Variants in TENM1 observed in about 807,000 individuals in gnomAD.
TENM1 encodes teneurin-1.
Under a neutral mutation model 174.8 loss-of-function variants are expected in TENM1, and 35 were observed. The observed-to-expected ratio is 0.20, with a 90% CI of 0.15 to 0.27. The LOEUF is 0.27. Ranked by LOEUF, TENM1 falls within the 10% of genes least tolerant of loss-of-function variation. TENM1 has a pLI of 1.00. For synonymous variants in TENM1, 781 were observed against 798.7 expected (o/e 0.98, Z 0.37); for missense variants, 1,633 against 2,130.1 (o/e 0.77, Z 4.59).
chrX:124,833,939 T>C, intron 3 of TENM1, among the ~76,000 whole-genome samples: 1 of 110,538 alleles, frequency 9.0e-6, no homozygotes, highest in Non-Finnish European at 1.9e-5. Flanking sequence ...CAGAGATAGA[T>C]AGTAAATGGT....
At chrX:124,813,068 T>A (rs1463738999) in intron 3 of TENM1, among the ~76,000 whole-genome samples, 1 of 111,200 alleles carries the variant, frequency 9.0e-6, no homozygotes, top group African/African-American at 3.3e-5. Context: ...AATAAATGAC[T>A]ACTACTTTAC....
rs202163502 is a variant in TENM1, at chrX:124,695,802, A to AT, written c.1015+9210dup. On this transcript the variant is annotated intron_variant, in intron 5 of 31. Transcript: ENST00000422452. ...AACCTCTTATTTTTAAAATTGAGGG[A>AT]TTTTTTTTTTCCTTCCAGTTAATGG... Among the ~76,000 whole-genome samples the AT allele has an allele frequency of 5.2e-4, 57 of 108,637 alleles. 1 individual carries two copies. Among genetic ancestry groups the AT allele is most frequent in the Non-Finnish European group, 9.1e-4 (47 of 51,739 alleles). 94.3% of individuals were successfully genotyped at this position (108,637 alleles called of 115,157 possible). A position where few individuals can be genotyped will look rare whatever the true frequency, so the allele number is the denominator to read the frequency against.
intron 11 of TENM1, among the ~76,000 whole-genome samples, chrX:124,620,468 C>A (rs751966328): frequency 1.8e-5 from 2 of 112,173 alleles, no homozygotes; most frequent in East Asian, 5.6e-4. Flanking sequence ...ATATTAAATA[C>A]ACATTTTAGC....
At chrX:124,946,021 A>C (rs1274552522) in intron 1 of TENM1, among the ~76,000 whole-genome samples, 1 of 111,839 alleles carries the variant, frequency 8.9e-6, no homozygotes, top group Non-Finnish European at 1.9e-5. Context: ...CTTCTAGATC[A>C]AGGGATGTCC....
At chrX:124,829,450 A>G (rs929479803) in intron 3 of TENM1, among the ~76,000 whole-genome samples, 1 of 112,276 alleles carries the variant, frequency 8.9e-6, no homozygotes, top group Non-Finnish European at 1.9e-5. Context: ...AGCATTCTTT[A>G]TTCCCAGAGC....
At chrX:124,547,524 T>C (rs1312988962) in intron 14 of TENM1, among the ~76,000 whole-genome samples, 5 of 112,342 alleles carry the variant, frequency 4.5e-5, no homozygotes, top group African/African-American at 1.6e-4. Context: ...GAATTTGTAT[T>C]TTTTTAAAAA....
chrX:124,774,825 T>C (rs1231243118), intron 3 of TENM1, among the ~76,000 whole-genome samples: 2 of 110,985 alleles, frequency 1.8e-5, no homozygotes, highest in African/African-American at 6.6e-5. Flanking sequence ...CTTTCTTGGA[T>C]CTGCATTGTA....
intron 5 of TENM1, among the ~76,000 whole-genome samples, chrX:124,703,124 A>G (rs1398609774): frequency 8.9e-6 from 1 of 111,834 alleles, no homozygotes; most frequent in African/African-American, 3.2e-5. Context: ...AATTCTTCTA[A>G]CAATCCTATG....
chrX:124,463,877 G>GTGTGTGTGGA (rs781695591), intron 22 of TENM1, among the ~76,000 whole-genome samples: 1 of 96,883 alleles, frequency 1.0e-5, no homozygotes, highest in Non-Finnish European at 2.1e-5. Flanking sequence ...GTGTGTGTGT[G>GTGTGTGTGGA]GAGAGAGAGA....
chrX:124,676,331 G>A (rs2052086138), intron 5 of TENM1, among the ~76,000 whole-genome samples: 1 of 68,856 alleles, frequency 1.5e-5, no homozygotes, highest in Non-Finnish European at 2.8e-5. Context: ...GAATGGAGAT[G>A]GATGCTACCC....
intron 3 of TENM1, among the ~76,000 whole-genome samples, chrX:124,858,935 A>G (rs2056861903): frequency 9.0e-6 from 1 of 111,322 alleles, no homozygotes; most frequent in Non-Finnish European, 1.9e-5. Context: ...TTTATATTTA[A>G]TAGTCCCAAT....
At chrX:124,501,409 T>C (rs946128902) in intron 19 of TENM1, among the ~76,000 whole-genome samples, 5 of 111,752 alleles carry the variant, frequency 4.5e-5, no homozygotes, top group African/African-American at 1.6e-4. Context: ...AAATGACAAA[T>C]GGTCTGAAAA....
rs139594945 is a variant in TENM1 at position 124,524,553 on chromosome X, C to T, written c.2772-928G>A. On this transcript the variant is annotated intron_variant, in intron 16 of 31. Coordinates refer to ENST00000422452, the Ensembl canonical transcript of TENM1. ...TGACTACCCTCTTTGGCCTCCTAGTCTACTTGCACCTCAGATTTAAGATCT... is the reference window on the plus strand; with the variant it reads ...TGACTACCCTCTTTGGCCTCCTAGTTTACTTGCACCTCAGATTTAAGATCT... 1.1e-3 allele frequency among the ~76,000 whole-genome samples: 118 copies of T among 111,578 alleles called. 2 individuals carry two copies. In the East Asian group the frequency reaches 0.03, roughly 28 times the overall value.
the TENM1 span, among the ~76,000 whole-genome samples, chrX:125,050,284 T>A: frequency 9.1e-6 from 1 of 109,716 alleles, no homozygotes; most frequent in Admixed American, 9.8e-5. Flanking sequence ...TAACATTAGG[T>A]ATATCTCCTA....
chrX:125,152,213 GA>G, the TENM1 span, among the ~76,000 whole-genome samples: 1 of 106,878 alleles, frequency 9.4e-6, no homozygotes, highest in African/African-American at 3.5e-5. Context: ...TTGCACCACT[GA>G]ACTCCAGCCT....
intron 3 of TENM1, among the ~76,000 whole-genome samples, chrX:124,757,575 G>A (rs185008454): frequency 1.5e-3 from 173 of 112,451 alleles, no homozygotes; most frequent in African/African-American, 5.3e-3. Context: ...GAAATCAGCC[G>A]TCTTCTGCGT....
At chrX:125,073,058 C>T in the TENM1 span, among the ~76,000 whole-genome samples, 1 of 111,352 alleles carries the variant, frequency 9.0e-6, no homozygotes, top group African/African-American at 3.3e-5. Flanking sequence ...AAACCTTTTG[C>T]ATCACATTGA....
intron 4 of TENM1, among the ~76,000 whole-genome samples, chrX:124,706,571 G>A (rs1331076096): frequency 8.9e-6 from 1 of 111,916 alleles, no homozygotes; most frequent in Non-Finnish European, 1.9e-5. Flanking sequence ...CTACTGTCAT[G>A]TTTGAATTAC....
the TENM1 span, among the ~76,000 whole-genome samples, chrX:124,971,012 C>T: frequency 2.4e-4 from 26 of 107,783 alleles, no homozygotes; most frequent in Non-Finnish European, 3.5e-4. Flanking sequence ...TGGAAACCAT[C>T]ATTCTCAGCA....
Sources: gnomAD v4.1 joint callset for allele counts (sites outside exome capture counted in the v4.1 genomes callset) on GRCh38, gnomAD v4.1.1 for gene constraint, MANE v1.5 for transcripts, NCBI Gene and HGNC (gene_info 2026-07-23, HGNC 2026-07-21) for gene names.